The following PDZD2 variants were observed in gnomAD, a reference collection of about 807,000 sequenced individuals.
The protein encoded by PDZD2 is PDZ domain containing 2.
Under a neutral mutation model 220.7 loss-of-function variants are expected in PDZD2, and 90 were observed. The ratio of observed to expected loss-of-function variants is 0.41; its 90% CI spans 0.34 to 0.49. The LOEUF (loss-of-function observed/expected upper bound fraction) is 0.49. Among genes scored for constraint, PDZD2 ranks in the 20% least tolerant of loss-of-function variants. PDZD2 has a pLI of 0.28. For synonymous variants in PDZD2, 1,375 were observed against 1,450.5 expected (o/e 0.95, Z 1.18); for missense variants, 3,174 against 3,608.5 (o/e 0.88, Z 3.08).
intron 2 of PDZD2, among the ~76,000 whole-genome samples, chr5:31,970,371 G>A (rs1002728696): frequency 2.8e-4 from 43 of 152,072 alleles, no homozygotes; most frequent in African/African-American, 9.7e-4. Flanking sequence ...ATTGTAAAGA[G>A]TCAGAAGAGC....
chr5:31,671,762 A>G (rs1475081488), intron 1 of PDZD2, among the ~76,000 whole-genome samples: 1 of 152,210 alleles, frequency 6.6e-6, no homozygotes, highest in Non-Finnish European at 1.5e-5. Flanking sequence ...TGCAGATCAC[A>G]TGGAGAGCTC....
intron 1 of PDZD2, among the ~76,000 whole-genome samples, chr5:31,649,241 G>A (rs1427270420): frequency 2.0e-5 from 3 of 151,970 alleles, no homozygotes; most frequent in Non-Finnish European, 4.4e-5. Context: ...ATTTCTCGTT[G>A]CCATTTCAGT....
At position 31,684,507 on chromosome 5, in the gene PDZD2, A is replaced by T. The variant is rs374290166; in HGVS notation, c.-361+45070A>T. ...GTAGACCATTGCAAACTGGAAGTGC[A>T]TTTCCAGAATATTCTTGTTGGTATA... On this transcript the variant is annotated intron_variant, in intron 1 of 24. Transcript: ENST00000438447. Among the ~76,000 whole-genome samples, 88 of 151,682 alleles carry T rather than the reference A, an allele frequency of 5.8e-4. No individual in the cohort carries two copies. In the South Asian group the frequency reaches 0.017, roughly 30 times the overall value.
chr5:31,882,139 C>T lies in PDZD2; in HGVS notation c.476+82415C>T, dbSNP rs530082882. Among the ~76,000 whole-genome samples, 64 of 152,294 alleles carry T rather than the reference C, an allele frequency of 4.2e-4. No homozygotes were observed. The South Asian group carries it at 0.013, about 31-fold the overall frequency. The stretch of plus-strand genomic sequence containing the variant: ...TCATAACTGATAAACTCTAGTGATT[C>T]CATTTGTGTGGCATTACGCTAAGCC... On this transcript the variant is annotated intron_variant, in intron 2 of 24. Coordinates refer to ENST00000438447, the MANE Select transcript of PDZD2 (RefSeq NM_178140.4).
intron 1 of PDZD2, among the ~76,000 whole-genome samples, chr5:31,662,842 G>A (rs563654380): frequency 7.9e-5 from 12 of 152,232 alleles, no homozygotes; most frequent in African/African-American, 2.2e-4. Context: ...GTGTTAGCCA[G>A]GATGGTCTTG....
chr5:31,871,983 G>A (rs1209003820), intron 2 of PDZD2, among the ~76,000 whole-genome samples: 1 of 152,116 alleles, frequency 6.6e-6, no homozygotes, highest in African/African-American at 2.4e-5. Flanking sequence ...GAGCCACCAT[G>A]CCTGGCTAAA....
intron 2 of PDZD2, among the ~76,000 whole-genome samples, chr5:31,978,386 A>G (rs184607572): frequency 7.3e-4 from 111 of 152,306 alleles, no homozygotes; most frequent in Middle Eastern, 6.8e-3. Context: ...ATACACATGG[A>G]TGGAGAATGC....
chr5:31,982,254 A>G (rs1336487864), intron 2 of PDZD2, among the ~76,000 whole-genome samples: 2 of 152,198 alleles, frequency 1.3e-5, no homozygotes, highest in African/African-American at 4.8e-5. Flanking sequence ...CCTGATCCTC[A>G]TTCAACACAG....
chr5:31,805,973 G>C (rs1408720837), intron 2 of PDZD2, among the ~76,000 whole-genome samples: 2 of 152,106 alleles, frequency 1.3e-5, no homozygotes, highest in Non-Finnish European at 2.9e-5. Flanking sequence ...CTCCAAACTA[G>C]GGGAGCTTGG....
At chr5:32,039,643 A>T (rs1345452913) in intron 7 of PDZD2, among the ~76,000 whole-genome samples, 7 of 119,486 alleles carry the variant, frequency 5.9e-5, no homozygotes, top group Admixed American at 4.3e-4. Flanking sequence ...CCGGCCGCCA[A>T]CCTGTCTAGG....
At chr5:31,643,121 G>T (rs1371236981) in intron 1 of PDZD2, among the ~76,000 whole-genome samples, 1 of 152,170 alleles carries the variant, frequency 6.6e-6, no homozygotes, top group Non-Finnish European at 1.5e-5. Context: ...GTGTTTGGAA[G>T]GCCCTCCATG....
chr5:31,819,939 C>T (rs545661649), intron 2 of PDZD2, among the ~76,000 whole-genome samples: 1 of 152,274 alleles, frequency 6.6e-6, no homozygotes, highest in South Asian at 2.1e-4. Flanking sequence ...CTTTTCTTAC[C>T]CACACAATGG....
At chr5:31,791,304 C>T (rs1290477208) in intron 1 of PDZD2, among the ~76,000 whole-genome samples, 1 of 151,792 alleles carries the variant, frequency 6.6e-6, no homozygotes, top group Non-Finnish European at 1.5e-5. Flanking sequence ...GAAAAAGCAC[C>T]TATTGGCCAG....
intron 1 of PDZD2, among the ~76,000 whole-genome samples, chr5:31,755,279 G>A (rs1386211962): frequency 6.6e-6 from 1 of 152,136 alleles, no homozygotes; most frequent in African/African-American, 2.4e-5. Flanking sequence ...TTTCTGTTAT[G>A]GATGGGAGCA....
chr5:31,804,081 A>G (rs1168701170), intron 2 of PDZD2, among the ~76,000 whole-genome samples: 2 of 152,044 alleles, frequency 1.3e-5, no homozygotes, highest in Non-Finnish European at 2.9e-5. Context: ...AGAACATATA[A>G]TGAAAACGCT....
chr5:32,059,841 C>T (rs767900573), intron 13 of PDZD2, among the ~76,000 whole-genome samples: 6 of 152,150 alleles, frequency 3.9e-5, no homozygotes, highest in Admixed American at 6.6e-5. Flanking sequence ...GTTGAATGGC[C>T]ATGTCTAGGT....
In PDZD2 at chr5:32,096,388, A is replaced by C. The variant is rs542328476; in HGVS notation, c.7846-891A>C. Among the ~76,000 whole-genome samples the C allele has an allele frequency of 1.9e-4, 28 of 151,286 alleles. No individual in the cohort carries two copies. The South Asian group carries it at 5.4e-3, about 29-fold the overall frequency. ...CTGGAGTGCAACTGGCATGATCTCCACTCACTGCAACCTCTGCCCGCTGGG... is the reference window on the plus strand; with the variant it reads ...CTGGAGTGCAACTGGCATGATCTCCCCTCACTGCAACCTCTGCCCGCTGGG... On this transcript the variant is annotated intron_variant, in intron 21 of 24. Transcript: ENST00000438447.
intron 2 of PDZD2, chr5:31,822,975 C>T: frequency 8.7e-7 from 1 of 1,145,686 alleles, no homozygotes; most frequent in South Asian, 1.2e-5. Flanking sequence ...CAACCCGGGG[C>T]CTCTTTTTTT....
intron 2 of PDZD2, among the ~76,000 whole-genome samples, chr5:31,922,222 C>T (rs991397792): frequency 1.3e-5 from 2 of 152,204 alleles, no homozygotes; most frequent in Non-Finnish European, 2.9e-5. Context: ...CAAGTTCCTA[C>T]TACCACAGAA....
Sources: allele counts gnomAD v4.1 joint callset (sites outside exome capture counted in the v4.1 genomes callset), GRCh38; gene constraint gnomAD v4.1.1; transcripts MANE v1.5; gene names NCBI Gene and HGNC (gene_info 2026-07-23, HGNC 2026-07-21).